The following NUP214 variants were observed in gnomAD, a reference collection of about 807,000 sequenced individuals.
NUP214 encodes nucleoporin 214, also known as nuclear pore complex protein Nup214.
NUP214 carries 79 observed loss-of-function variants against 196.2 expected under a neutral mutation model. That is an observed-to-expected ratio of 0.40 (90% CI 0.34 to 0.49). The LOEUF (loss-of-function observed/expected upper bound fraction) is 0.49, where lower values mean the gene tolerates loss of function less well. Among genes scored for constraint, NUP214 ranks in the 20% least tolerant of loss-of-function variants. NUP214 has a pLI of 0.58. For synonymous variants in NUP214, 1,020 were observed against 990.5 expected, an observed-to-expected ratio of 1.03 and a Z score of -0.56; for missense variants, 2,468 against 2,539.0, an observed-to-expected ratio of 0.97 and a Z score of 0.60.
At position 131,140,599 on chromosome 9, in the gene NUP214, G is replaced by C; in HGVS notation, c.1183G>C (p.Asp395His). ...PAPVLMLLST[D>H]GVLCPFYMIN... ...TCCAGTTCTCATGTTACTTTCAACA[G>C]ATGGTGTGCTTTGTCCATTTTATAT... Residue 395 changes from aspartate (D) to histidine (H), a missense_variant, in exon 11 of 36, where the codon GAT becomes CAT. Physicochemically the swap from Asp to His is moderately conservative, Grantham distance 81. Transcript: ENST00000359428. The C allele has an allele frequency of 6.2e-7, 1 of 1,613,956 alleles. No individual in the cohort carries two copies. The highest frequency in any genetic ancestry group is 8.5e-7 in the Non-Finnish European group (1 of 1,179,894).
chr9:131,200,388 CA>C (rs1412632728), intron 29 of NUP214, among the ~76,000 whole-genome samples: 1 of 152,198 alleles, frequency 6.6e-6, no homozygotes, highest in Non-Finnish European at 1.5e-5. Flanking sequence ...CCAGCCTGGC[CA>C]ACATGGTAAA....
At chr9:131,218,619 G>A (rs1834471392) in intron 31 of NUP214, among the ~76,000 whole-genome samples, 1 of 151,846 alleles carries the variant, frequency 6.6e-6, no homozygotes, top group Admixed American at 6.6e-5. Flanking sequence ...ATTCCCCGTG[G>A]TCATCTGTTC....
chr9:131,152,150 T>C (rs899157725), intron 17 of NUP214, among the ~76,000 whole-genome samples: 1 of 152,254 alleles, frequency 6.6e-6, no homozygotes, highest in Non-Finnish European at 1.5e-5. Context: ...CTTCTCACTC[T>C]GTTGCCCAGG....
At chr9:131,150,480 C>G (rs1832224557) in intron 15 of NUP214, 70 bp downstream of exon 15, 7 of 1,571,808 alleles carry the variant, frequency 4.5e-6, no homozygotes, top group Non-Finnish European at 6.1e-6. Context: ...AGTGCCAACC[C>G]CTGTATGACT....
At chr9:131,182,065 C>T (rs1206911393) in intron 24 of NUP214, among the ~76,000 whole-genome samples, 1 of 152,200 alleles carries the variant, frequency 6.6e-6, no homozygotes, top group Non-Finnish European at 1.5e-5. Context: ...CATATCTTTT[C>T]CATCCTTTTA....
At chr9:131,213,751 C>CTGTTGTTGTTGTTGTTGTTGT (rs55661030) in intron 30 of NUP214, among the ~76,000 whole-genome samples, 5 of 147,532 alleles carry the variant, frequency 3.4e-5, no homozygotes, top group Admixed American at 6.8e-5. Flanking sequence ...TGAATTGGTA[C>CTGTTGTTGTTGTTGTTGTTGT]TGTTGTTGTT....
chr9:131,231,028 G>A (rs1036241319), intron 34 of NUP214, among the ~76,000 whole-genome samples: 3 of 152,056 alleles, frequency 2.0e-5, no homozygotes, highest in African/African-American at 7.2e-5. Flanking sequence ...CAGACATGGT[G>A]GCACACACCT....
chr9:131,199,760 A>G (rs544630067), intron 29 of NUP214, among the ~76,000 whole-genome samples: 13 of 152,342 alleles, frequency 8.5e-5, no homozygotes, highest in Admixed American at 6.5e-4. Flanking sequence ...TCTAGGAGAA[A>G]AGCAAGGATC....
intron 24 of NUP214, among the ~76,000 whole-genome samples, chr9:131,181,061 G>C (rs565812864): frequency 5.3e-5 from 8 of 152,258 alleles, no homozygotes; most frequent in Non-Finnish European, 7.4e-5. Flanking sequence ...CGGGGGAAAG[G>C]TTAGAGAGTA....
chr9:131,132,605 G>C lies in NUP214; in HGVS notation c.673G>C (p.Glu225Gln). The change falls in exon 6 of 36, where the codon GAA becomes CAA. Residue 225 changes from glutamate to glutamine, a missense_variant. Coordinates refer to ENST00000359428, the MANE Select transcript of NUP214 (RefSeq NM_005085.4). Reference sequence around the variant, plus strand: ...TCCAAATCTCTTTCAGACTTTGCAGGAAAAAAAAGTCATTCCTTGTCCTCC... The same window carrying C: ...TCCAAATCTCTTTCAGACTTTGCAGCAAAAAAAAGTCATTCCTTGTCCTCC... Reference protein sequence around the residue: ...TVVQYLPTLQEKKVIPCPPFY... With the variant: ...TVVQYLPTLQQKKVIPCPPFY... 6.2e-7 allele frequency: 1 copy of C among 1,612,712 alleles called. No homozygotes were observed. The highest frequency in any genetic ancestry group is 1.7e-4 in the Middle Eastern group (1 of 6,056).
In NUP214 at chr9:131,232,532, G is replaced by A; in HGVS notation, c.6239+224G>A. The A allele has an allele frequency of 1.6e-6, 1 of 606,602 alleles. No homozygotes were observed. Among genetic ancestry groups the A allele is most frequent in the East Asian group, 2.8e-5 (1 of 35,570 alleles). 37.6% of individuals were successfully genotyped at this position (606,602 alleles called of 1,614,324 possible). ...CAGGCCTCGCCTTCTTAAGAGGCGT[G>A]GTTCAAAGAGAAAAGAGCACGCCTG... is the stretch of plus-strand genomic sequence containing the variant. On this transcript the variant is annotated intron_variant, in intron 35 of 35. Coordinates refer to ENST00000359428, the MANE Select transcript of NUP214 (RefSeq NM_005085.4). The surrounding 1 kb of genome is among the most constrained non-coding windows in gnomAD (Gnocchi z 5.1).
chr9:131,151,271 A>G (rs1335803105), intron 16 of NUP214, among the ~76,000 whole-genome samples: 2 of 152,210 alleles, frequency 1.3e-5, no homozygotes, highest in East Asian at 3.8e-4. Context: ...AATCCTCACA[A>G]CTTTGCTGTG....
intron 21 of NUP214, among the ~76,000 whole-genome samples, chr9:131,170,526 T>A (rs1832927335): frequency 6.6e-6 from 1 of 152,218 alleles, no homozygotes; most frequent in Non-Finnish European, 1.5e-5. Flanking sequence ...TGCACATCTT[T>A]TGTTAGATTA....
At position 131,146,073 on chromosome 9, in the gene NUP214, G is replaced by A. The variant is rs1832079371; in HGVS notation, c.1770-56G>A. On this transcript the variant is annotated intron_variant, in intron 12 of 35. Transcript: ENST00000359428. This position sits in a 1 kb window ranked among gnomAD's most constrained non-coding sequence, Gnocchi z 4.6. ...TCTTTTGATGACATTGCTCATGCTA[G>A]TGTAAAAGAATCTTCTAGCAGGCTC... 2 of 1,486,310 alleles carry A rather than the reference G, an allele frequency of 1.3e-6. No homozygotes were observed. The highest frequency in any genetic ancestry group is 1.1e-5 in the South Asian group (1 of 87,790). The allele number at this position is 1,486,310 out of a possible 1,614,324, so 92.1% of individuals were successfully genotyped here. A position where few individuals can be genotyped will look rare whatever the true frequency, so the allele number is the denominator to read the frequency against.
At chr9:131,170,871 C>G (rs999251802) in intron 21 of NUP214, among the ~76,000 whole-genome samples, 1 of 151,890 alleles carries the variant, frequency 6.6e-6, no homozygotes, top group African/African-American at 2.4e-5. Context: ...GTAAAAGTGT[C>G]GTGTAGCTCT....
intron 27 of NUP214, 102 bp downstream of exon 27, chr9:131,192,394 C>A: frequency 2.9e-6 from 2 of 680,516 alleles, no homozygotes; most frequent in Non-Finnish European, 4.9e-6. Flanking sequence ...GTGTATGAAC[C>A]CAGAGTTCTT....
In NUP214 at chr9:131,146,978, A is replaced by G. The variant is rs1832103161; in HGVS notation, c.1946-512A>G. On this transcript the variant is annotated intron_variant, in intron 13 of 35. Transcript: ENST00000359428. This position sits in a 1 kb window ranked among gnomAD's most constrained non-coding sequence, Gnocchi z 4.6. Reference sequence around the variant, plus strand: ...GAGAGTACCTGCAGTGATTATATTCATATTTTCACAGTCAGTCATACTGTA... The same window carrying G: ...GAGAGTACCTGCAGTGATTATATTCGTATTTTCACAGTCAGTCATACTGTA... Among the ~76,000 whole-genome samples the G allele has an allele frequency of 6.6e-6, 1 of 151,168 alleles. No homozygotes were observed. Among genetic ancestry groups the G allele is most frequent in the South Asian group, 2.1e-4 (1 of 4,792 alleles).
In NUP214 at chr9:131,175,569, G is replaced by A. The variant is rs368775701; in HGVS notation, c.3267G>A (p.Pro1089=). ...APSPSHPISA[P]QAAAAAALRR... is the part of the protein sequence containing the mutation. ...GTCCTTCCCACCCCATCTCAGCCCC[G>A]CAGGCAGCTGCCGCAGCAGCACTCA... is the stretch of plus-strand genomic sequence containing the variant. Residue 1089 remains proline, a synonymous_variant, in exon 23 of 36, where the codon CCG becomes CCA. Transcript: ENST00000359428. The A allele has an allele frequency of 3.1e-5, 50 of 1,613,976 alleles. 1 individual carries two copies. The East Asian group carries it at 7.4e-4, about 24-fold the overall frequency.
At chr9:131,159,596 G>A (rs575693705) in intron 18 of NUP214, 110 bp downstream of exon 18, 31 of 887,416 alleles carry the variant, frequency 3.5e-5, no homozygotes, top group Non-Finnish European at 5.1e-5. Flanking sequence ...GGTGGCTCAC[G>A]CCTGTAATCC....
Sources: allele counts gnomAD v4.1 joint callset (sites outside exome capture counted in the v4.1 genomes callset), GRCh38; gene constraint gnomAD v4.1.1; non-coding constraint Gnocchi (gnomAD v3.1); transcripts MANE v1.5; gene names NCBI Gene and HGNC (gene_info 2026-07-23, HGNC 2026-07-21).